The following PLAAT1 variants were observed in gnomAD, a reference collection of about 807,000 sequenced individuals.
PLAAT1 encodes the protein phospholipase A and acyltransferase 1.
Under a neutral mutation model 16.4 loss-of-function variants are expected in PLAAT1, and 13 were observed. That is an observed-to-expected ratio of 0.79 (90% CI 0.52 to 1.26). PLAAT1 has a LOEUF of 1.26. PLAAT1 is among the 50% of genes most tolerant of loss of function. The pLI, the probability that PLAAT1 is intolerant of heterozygous loss-of-function variation, is 0.00. For missense variants in PLAAT1, 218 were observed against 207.8 expected (o/e 1.05, Z -0.30); for synonymous variants, 73 against 78.4 (o/e 0.93, Z 0.36).
chr3:193,276,888 C>T (rs1365193685), intron 2 of PLAAT1: 8 of 1,203,462 alleles, frequency 6.6e-6, no homozygotes, highest in African/African-American at 1.5e-5. Context: ...TGAAAAAAGA[C>T]CATATTAATT....
At chr3:193,246,167 C>T (rs765812438) in intron 1 of PLAAT1, among the ~76,000 whole-genome samples, 1 of 152,068 alleles carries the variant, frequency 6.6e-6, no homozygotes, top group Non-Finnish European at 1.5e-5. Flanking sequence ...TTTTTACCAT[C>T]GAGCATGATG....
At position 193,241,336 on chromosome 3, in the gene PLAAT1, C is replaced by T. The variant is rs1421835348; in HGVS notation, c.-198C>T. 2.4e-6 allele frequency: 3 copies of T among 1,231,292 alleles called. No homozygotes were observed. The highest frequency in any genetic ancestry group is 1.6e-5 in the African/African-American group (1 of 64,394). 76.3% of individuals were successfully genotyped at this position (1,231,292 alleles called of 1,614,324 possible). A position where few individuals can be genotyped will look rare whatever the true frequency, so the allele number is the denominator to read the frequency against. The stretch of plus-strand genomic sequence containing the variant: ...GGCCGCCGGGACCGTTTCAGCGTGG[C>T]GGCGCTGGTGCTGGCGTTGGCCCTG... On this transcript the variant is annotated 5_prime_UTR_variant, in exon 1 of 4. Coordinates refer to ENST00000264735, the MANE Select transcript of PLAAT1 (RefSeq NM_020386.5).
chr3:193,252,117 G>A (rs1375968109), intron 1 of PLAAT1, among the ~76,000 whole-genome samples: 1 of 152,128 alleles, frequency 6.6e-6, no homozygotes, highest in East Asian at 1.9e-4. Flanking sequence ...TTCTGGTGAG[G>A]GTCTCAGGAA....
intron 2 of PLAAT1, chr3:193,276,912 A>T: frequency 9.6e-7 from 1 of 1,037,438 alleles, no homozygotes; most frequent in Non-Finnish European, 1.4e-6. Flanking sequence ...TAATTTATAG[A>T]TTTGTAATAA....
At chr3:193,247,860 C>T (rs1029682857) in intron 1 of PLAAT1, among the ~76,000 whole-genome samples, 1 of 152,090 alleles carries the variant, frequency 6.6e-6, no homozygotes, top group Non-Finnish European at 1.5e-5. Flanking sequence ...ATGATCTACC[C>T]TGGAGAATAC....
chr3:193,275,109 T>C (rs1370005457), downstream of PLAAT1: 10 of 1,614,140 alleles, frequency 6.2e-6, 1 homozygote, highest in Non-Finnish European at 7.6e-6. Flanking sequence ...TTTTGGAATC[T>C]GTTCATGGCT....
chr3:193,243,797 C>G (rs1256506785), intron 1 of PLAAT1, among the ~76,000 whole-genome samples: 2 of 152,190 alleles, frequency 1.3e-5, no homozygotes, highest in Non-Finnish European at 2.9e-5. Context: ...CGCAGTCTAA[C>G]AGAACAACCT....
downstream of PLAAT1, chr3:193,279,215 C>A: frequency 1.7e-6 from 1 of 589,880 alleles, no homozygotes; most frequent in Non-Finnish European, 3.0e-6. Context: ...AGGTGAAATC[C>A]AGATATCTTA....
Position 193,270,698 on chromosome 3 carries a change from A to T in PLAAT1, c.500A>T (p.Tyr167Phe), listed in dbSNP as rs1254752178. The part of the protein sequence containing the change: ...GLFPKGQRAK[Y>F]Y ...TTTCCAAAAGGACAAAGAGCAAAAT[A>T]CTATTAACAATTTACCAAAGAGATA... Residue 167 changes from tyrosine (Y) to phenylalanine (F), a missense_variant, in exon 4 of 4, where the codon TAC (tyrosine) becomes TTC (phenylalanine). Tyr to Phe is a conservative substitution (Grantham distance 22, BLOSUM62 3). Coordinates refer to ENST00000264735, the MANE Select transcript of PLAAT1 (RefSeq NM_020386.5). 1.2e-6 allele frequency: 2 copies of T among 1,612,506 alleles called. No individual in the cohort carries two copies. Among genetic ancestry groups the T allele is most frequent in the Non-Finnish European group, 1.7e-6 (2 of 1,179,162 alleles).
rs141499758 is a variant in PLAAT1 at position 193,258,459 on chromosome 3, A to G, written c.139+2670A>G. ...ATACAAAAATCCATGCAAAATTAAC[A>G]AAACAAAGAATTTGTTTTTTGAAAG... On this transcript the variant is annotated intron_variant, in intron 2 of 3. Transcript: ENST00000264735. Among the ~76,000 whole-genome samples, 834 of 128,492 alleles carry G rather than the reference A, an allele frequency of 6.5e-3. 5 individuals carry two copies. Among genetic ancestry groups the G allele is most frequent in the Admixed American group, 0.014 (161 of 11,886 alleles). The allele number at this position is 128,492 out of a possible 152,430, so 84.3% of individuals were successfully genotyped here.
chr3:193,272,370 G>A (rs559991975), downstream of PLAAT1, among the ~76,000 whole-genome samples: 3 of 152,150 alleles, frequency 2.0e-5, no homozygotes, highest in Admixed American at 6.5e-5. Flanking sequence ...GTGAACCCAG[G>A]AGCGGAGGTT....
intron 3 of PLAAT1, among the ~76,000 whole-genome samples, chr3:193,269,706 G>C (rs1320659690): frequency 6.6e-6 from 1 of 152,178 alleles, no homozygotes; most frequent in Non-Finnish European, 1.5e-5. Flanking sequence ...TATGTTTTCA[G>C]AGTACTTGAT....
downstream of PLAAT1, among the ~76,000 whole-genome samples, chr3:193,280,721 A>G (rs1246793345): frequency 6.6e-6 from 1 of 152,198 alleles, no homozygotes; most frequent in African/African-American, 2.4e-5. Context: ...CCTTAGAAAT[A>G]TTATTTTTTA....
downstream of PLAAT1, among the ~76,000 whole-genome samples, chr3:193,280,303 C>T (rs1487921614): frequency 1.3e-5 from 2 of 152,148 alleles, no homozygotes; most frequent in Non-Finnish European, 2.9e-5. Flanking sequence ...CCACCCGCCT[C>T]GGCCTCCCAA....
chr3:193,262,845 G>T, intron 2 of PLAAT1, 125 bp from the exon 3 acceptor site: 1 of 887,604 alleles, frequency 1.1e-6, no homozygotes, highest in Non-Finnish European at 1.8e-6. Flanking sequence ...AAATGACTTT[G>T]GTTTGATAAT....
At chr3:193,248,204 G>T (rs1421166569) in intron 1 of PLAAT1, among the ~76,000 whole-genome samples, 1 of 152,004 alleles carries the variant, frequency 6.6e-6, no homozygotes, top group African/African-American at 2.4e-5. Context: ...TATTTTGTCT[G>T]ATAGAAGTAT....
At chr3:193,251,708 G>T (rs1395893904) in intron 1 of PLAAT1, among the ~76,000 whole-genome samples, 1 of 152,150 alleles carries the variant, frequency 6.6e-6, no homozygotes, top group Non-Finnish European at 1.5e-5. Flanking sequence ...TGTGCATAGG[G>T]TGGGGTTTGT....
At chr3:193,267,621 G>A (rs1047043487) in intron 3 of PLAAT1, among the ~76,000 whole-genome samples, 25 of 152,232 alleles carry the variant, frequency 1.6e-4, no homozygotes, top group African/African-American at 5.8e-4. Context: ...ACTGAAGGAC[G>A]TCTTGGTTGC....
intron 1 of PLAAT1, 147 bp from the exon 2 acceptor site, chr3:193,255,504 A>G: frequency 1.4e-6 from 1 of 728,332 alleles, no homozygotes; most frequent in Non-Finnish European, 2.1e-6. Context: ...AATCATTCAA[A>G]GAAAAGGACA....
Sources: gnomAD v4.1 joint callset for allele counts (sites outside exome capture counted in the v4.1 genomes callset) on GRCh38, gnomAD v4.1.1 for gene constraint, MANE v1.5 for transcripts, NCBI Gene and HGNC (gene_info 2026-07-23, HGNC 2026-07-21) for gene names.